CFAP92: variants seen among roughly 807,000 people sequenced by gnomAD.
CFAP92 encodes the protein uncharacterized protein CFAP92.
CFAP92 carries 86 observed loss-of-function variants against 106.3 expected under a neutral mutation model. That is an observed-to-expected ratio of 0.81 (90% CI 0.68 to 0.97). CFAP92 has a LOEUF of 0.97. CFAP92 is among the 50% of genes least tolerant of loss of function. The pLI, the probability that CFAP92 is intolerant of heterozygous loss-of-function variation, is 0.00. For missense variants in CFAP92, 1,204 were observed against 1,283.8 expected, an observed-to-expected ratio of 0.94 and a Z score of 0.95; for synonymous variants, 477 against 506.4, an observed-to-expected ratio of 0.94 and a Z score of 0.78.
chr3:128,961,106 G>A (rs568259307), intron 9 of CFAP92, among the ~76,000 whole-genome samples: 1 of 152,060 alleles, frequency 6.6e-6, no homozygotes, highest in African/African-American at 2.4e-5. Context: ...CTGCAATGCC[G>A]CTTGACCCCA....
chr3:129,009,596 G>A, the CFAP92 span, among the ~76,000 whole-genome samples: 1 of 152,216 alleles, frequency 6.6e-6, no homozygotes, highest in African/African-American at 2.4e-5. Context: ...CCACTGGAGT[G>A]AGAGCAAGGC....
chr3:129,025,920 G>C, the CFAP92 span, among the ~76,000 whole-genome samples: 1 of 152,248 alleles, frequency 6.6e-6, no homozygotes, highest in East Asian at 1.9e-4. Context: ...GCTGGGCCGG[G>C]TCATTCCAGA....
At chr3:129,004,424 CA>C (rs952468976), upstream of CFAP92, among the ~76,000 whole-genome samples, 1 of 135,790 alleles carries the variant, frequency 7.4e-6, no homozygotes, top group Admixed American at 7.4e-5. Context: ...CCCATTCATC[CA>C]TCCACCTATC....
chr3:128,988,268 C>T lies in CFAP92; in HGVS notation c.454-439G>A, dbSNP rs143198233. ...ATCTAAATAAAAAATAGGCCAGGTGCGGTGGCTCACGCCTGTAATCCCAGC... is the reference window on the plus strand; with the variant it reads ...ATCTAAATAAAAAATAGGCCAGGTGTGGTGGCTCACGCCTGTAATCCCAGC... On this transcript the variant is annotated intron_variant, in intron 3 of 15. Coordinates refer to ENST00000645291, the MANE Select transcript of CFAP92 (RefSeq NM_001394090.1). Among the ~76,000 whole-genome samples, 724 of 152,264 alleles carry T rather than the reference C, an allele frequency of 4.8e-3. 2 individuals carry two copies. The highest frequency in any genetic ancestry group is 8.2e-3 in the Non-Finnish European group (559 of 68,010).
At chr3:128,980,166 T>G (rs1324277571) in intron 4 of CFAP92, among the ~76,000 whole-genome samples, 1 of 146,850 alleles carries the variant, frequency 6.8e-6, no homozygotes, top group Non-Finnish European at 1.5e-5. Context: ...AGGCCAGGAG[T>G]TCAAGACAAG....
At chr3:128,919,558 C>T (rs1294699383) in intron 12 of CFAP92, among the ~76,000 whole-genome samples, 2 of 152,174 alleles carry the variant, frequency 1.3e-5, no homozygotes, top group Admixed American at 6.5e-5. Flanking sequence ...AGACATCTAT[C>T]TAACATCACT....
At chr3:128,944,526 C>A (rs951195130) in intron 10 of CFAP92, among the ~76,000 whole-genome samples, 2 of 152,068 alleles carry the variant, frequency 1.3e-5, no homozygotes, top group African/African-American at 4.8e-5. Context: ...TCCGATCTAC[C>A]CAAACTAGTA....
upstream of CFAP92, among the ~76,000 whole-genome samples, chr3:129,006,170 C>G (rs1309757696): frequency 6.6e-6 from 1 of 152,230 alleles, no homozygotes; most frequent in East Asian, 1.9e-4. Context: ...GTCAAATCAG[C>G]CTGGCCCCAC....
chr3:128,914,854 T>C (rs531346940), intron 15 of CFAP92: 14 of 452,448 alleles, frequency 3.1e-5, no homozygotes, highest in Non-Finnish European at 4.8e-5. Flanking sequence ...TTCCCCACTT[T>C]ATAGCCAAGA....
chr3:128,964,743 T>C (rs1453413733), intron 9 of CFAP92, among the ~76,000 whole-genome samples: 3 of 151,934 alleles, frequency 2.0e-5, no homozygotes, highest in East Asian at 1.9e-4. Flanking sequence ...GACAAATGTT[T>C]CTTCTAACAT....
At chr3:129,011,539 A>G in the CFAP92 span, among the ~76,000 whole-genome samples, 1 of 150,696 alleles carries the variant, frequency 6.6e-6, no homozygotes, top group African/African-American at 2.5e-5. Flanking sequence ...TGACAGAGCA[A>G]GACTCCGTCT....
the CFAP92 span, among the ~76,000 whole-genome samples, chr3:129,013,405 G>A: frequency 2.0e-5 from 3 of 152,142 alleles, no homozygotes; most frequent in Admixed American, 6.5e-5. Flanking sequence ...AATCTCAAGC[G>A]TATATAGCTT....
chr3:129,004,507 C>A (rs1412820038), upstream of CFAP92, among the ~76,000 whole-genome samples: 4 of 148,972 alleles, frequency 2.7e-5, no homozygotes, highest in Non-Finnish European at 4.5e-5. Context: ...ACTCACCCAC[C>A]CACCCATCCA....
At chr3:128,939,588 A>G (rs1420225013) in intron 10 of CFAP92, among the ~76,000 whole-genome samples, 1 of 151,364 alleles carries the variant, frequency 6.6e-6, no homozygotes, top group Non-Finnish European at 1.5e-5. Context: ...GAAACCCCAC[A>G]CCCCTCAGCT....
At chr3:128,920,009 T>G (rs1317141622) in intron 12 of CFAP92, among the ~76,000 whole-genome samples, 1 of 151,908 alleles carries the variant, frequency 6.6e-6, no homozygotes. Context: ...TAACAAAAAA[T>G]AACAGACATG....
At chr3:129,021,660 CATCT>C in the CFAP92 span, among the ~76,000 whole-genome samples, 1 of 152,144 alleles carries the variant, frequency 6.6e-6, no homozygotes, top group Non-Finnish European at 1.5e-5. Context: ...TTTATCAATC[CATCT>C]ATCAATCTGG....
chr3:129,004,506 C>T (rs1401424746), upstream of CFAP92, among the ~76,000 whole-genome samples: 1 of 146,476 alleles, frequency 6.8e-6, no homozygotes, highest in East Asian at 2.0e-4. Flanking sequence ...CACTCACCCA[C>T]CCACCCATCC....
At chr3:128,953,331 C>T (rs61426560) in intron 9 of CFAP92, among the ~76,000 whole-genome samples, 6,018 of 151,930 alleles carry the variant, frequency 0.04, 299 homozygotes, top group African/African-American at 0.11. Flanking sequence ...CTGGCTAACA[C>T]GGTGAAACCC....
the CFAP92 span, among the ~76,000 whole-genome samples, chr3:129,009,854 G>A: frequency 4.6e-5 from 7 of 152,244 alleles, no homozygotes; most frequent in Admixed American, 4.6e-4. Flanking sequence ...TGCTTTGGGA[G>A]TGGTTTCGGG....
Sources: allele counts gnomAD v4.1 joint callset (sites outside exome capture counted in the v4.1 genomes callset), GRCh38; gene constraint gnomAD v4.1.1; transcripts MANE v1.5; gene names NCBI Gene and HGNC (gene_info 2026-07-23, HGNC 2026-07-21).